The following TRPM8 variants were observed in gnomAD, a reference collection of about 807,000 sequenced individuals.
The protein encoded by TRPM8 is transient receptor potential cation channel subfamily M member 8, also known as TRPM8 cationic channel.
Under a neutral mutation model 133.7 loss-of-function variants are expected in TRPM8, and 110 were observed. The observed-to-expected ratio is 0.82, with a 90% CI of 0.70 to 0.96. The LOEUF (loss-of-function observed/expected upper bound fraction) is 0.96, where lower values mean the gene tolerates loss of function less well. Among genes scored for constraint, TRPM8 ranks in the 40% least tolerant of loss-of-function variants. TRPM8 has a pLI of 0.00. For missense variants in TRPM8, 1,291 were observed against 1,379.5 expected (o/e 0.94, Z 1.02); for synonymous variants, 535 against 532.3 (o/e 1.01, Z -0.07).
In TRPM8 at chr2:233,996,420, C is replaced by T. The variant is rs559620311; in HGVS notation, c.3034C>T (p.Pro1012Ser). 1.3e-5 allele frequency: 21 copies of T among 1,614,034 alleles called. No homozygotes were observed. The highest frequency in any genetic ancestry group is 8.3e-5 in the Admixed American group (5 of 60,000). ...GGAGTACTGCAGCCGCCTCAATATC[C>T]CCTTCCCCTTCATCGTCTTCGCTTA... ...VQEYCSRLNI[P>S]FPFIVFAYFY... The change falls in exon 22 of 26, where the codon CCC becomes TCC. Residue 1012 changes from proline to serine, a missense_variant. Transcript: ENST00000324695.
chr2:233,996,110 C>A lies in TRPM8; in HGVS notation c.2940-216C>A, dbSNP rs1245235155. ...TTTGTGATTAAAAAAAAAAAAAAACCACCAAAAGCCAGACACACTTTTGAC... is the reference window on the plus strand; with the variant it reads ...TTTGTGATTAAAAAAAAAAAAAAACAACCAAAAGCCAGACACACTTTTGAC... On this transcript the variant is annotated intron_variant, in intron 21 of 25. Transcript: ENST00000324695. 4.0e-5 allele frequency among the ~76,000 whole-genome samples: 6 copies of A among 148,960 alleles called. No homozygotes were observed. The East Asian group carries it at 1.2e-3, about 29-fold the overall frequency.
At chr2:233,945,828 C>G in intron 6 of TRPM8, 28 bp from the exon 7 acceptor site, 2 of 1,593,768 alleles carry the variant, frequency 1.3e-6, no homozygotes, top group Non-Finnish European at 1.7e-6. Context: ...AATACAATCT[C>G]AAAGACAAGT....
chr2:233,995,791 A>G (rs1280287061), intron 21 of TRPM8, among the ~76,000 whole-genome samples: 1 of 152,160 alleles, frequency 6.6e-6, no homozygotes, highest in Non-Finnish European at 1.5e-5. Context: ...TCATGCATAT[A>G]TATTCATTTA....
intron 20 of TRPM8, 78 bp downstream of exon 20, chr2:233,983,302 G>A (rs976502470): frequency 1.9e-6 from 3 of 1,553,746 alleles, no homozygotes; most frequent in Admixed American, 3.4e-5. Flanking sequence ...GGCTGCCCCG[G>A]AGACCGCACT....
At chr2:233,919,892 A>C (rs559948200) in intron 1 of TRPM8, among the ~76,000 whole-genome samples, 1 of 152,174 alleles carries the variant, frequency 6.6e-6, no homozygotes, top group South Asian at 2.1e-4. Flanking sequence ...TGAACATCCA[A>C]TCAGTTACCT....
intron 1 of TRPM8, among the ~76,000 whole-genome samples, chr2:233,918,016 C>G (rs12988953): frequency 0.15 from 22,552 of 152,156 alleles, 2,075 homozygotes; most frequent in East Asian, 0.27. Context: ...AAGAGAGAAA[C>G]ACTGAAGGGC....
At chr2:233,993,059 C>A (rs1019077571) in intron 21 of TRPM8, among the ~76,000 whole-genome samples, 2 of 152,212 alleles carry the variant, frequency 1.3e-5, no homozygotes, top group African/African-American at 2.4e-5. Flanking sequence ...ATTTTGGAAG[C>A]TGCTGCCATA....
intron 22 of TRPM8, among the ~76,000 whole-genome samples, chr2:233,998,679 A>C (rs17874951): frequency 1.4e-5 from 2 of 148,070 alleles, no homozygotes; most frequent in East Asian, 2.0e-4. Context: ...TAGGGTGAGC[A>C]GCCTGTGCCC....
chr2:233,972,425 C>T lies in TRPM8; in HGVS notation c.2355+1999C>T, dbSNP rs536729439. The stretch of plus-strand genomic sequence containing the variant: ...GCTTCACCCAGTGGATCCCGCACCG[C>T]GGCTGCAGGTGGAGCTGCCTGCCAG... On this transcript the variant is annotated intron_variant, in intron 17 of 25. Coordinates refer to ENST00000324695, the MANE Select transcript of TRPM8 (RefSeq NM_024080.5). 1.1e-4 allele frequency among the ~76,000 whole-genome samples: 17 copies of T among 152,378 alleles called. No homozygotes were observed. In the East Asian group the frequency reaches 1.2e-3, roughly 10 times the overall value.
At position 234,017,541 on chromosome 2, in the gene TRPM8, G is replaced by GTT. The variant is rs1692986468; in HGVS notation, c.*287_*288dup. ...CAATGCCTGGGACTGGAGGTTGATA[G>GTT]TTTAAGTGTGTTCTTACCGCCTCCT... On this transcript the variant is annotated 3_prime_UTR_variant, in exon 26 of 26. Coordinates refer to ENST00000324695, the MANE Select transcript of TRPM8 (RefSeq NM_024080.5). 5.9e-6 allele frequency: 2 copies of GTT among 340,210 alleles called. No homozygotes were observed. The highest frequency in any genetic ancestry group is 4.7e-5 in the South Asian group (2 of 42,336). The allele number at this position is 340,210 out of a possible 1,614,324, so 21.1% of individuals were successfully genotyped here. A position where few individuals can be genotyped will look rare whatever the true frequency, so the allele number is the denominator to read the frequency against.
chr2:233,992,421 C>T (rs373820802), intron 21 of TRPM8, among the ~76,000 whole-genome samples: 2 of 152,124 alleles, frequency 1.3e-5, no homozygotes, highest in African/African-American at 4.8e-5. Context: ...AATATTTAGT[C>T]ATCCTATTCC....
At chr2:233,966,372 A>G (rs779240618) in intron 14 of TRPM8, among the ~76,000 whole-genome samples, 6 of 152,184 alleles carry the variant, frequency 3.9e-5, no homozygotes, top group Non-Finnish European at 7.4e-5. Flanking sequence ...AGCTCAATCC[A>G]GTGAGCAGTT....
At chr2:234,014,490 C>T (rs1378416213) in intron 24 of TRPM8, 72 bp from the exon 25 acceptor site, 2 of 912,238 alleles carry the variant, frequency 2.2e-6, no homozygotes, top group Non-Finnish European at 3.3e-6. Context: ...AGAAAAGGCA[C>T]AGAGCGATAA....
At chr2:233,963,849 C>T (rs953775549) in intron 13 of TRPM8, among the ~76,000 whole-genome samples, 2 of 152,150 alleles carry the variant, frequency 1.3e-5, no homozygotes, top group African/African-American at 2.4e-5. Flanking sequence ...TGAATTCACA[C>T]ACTCAGTCTT....
At chr2:233,927,142 ACT>A (rs1038488370) in intron 2 of TRPM8, among the ~76,000 whole-genome samples, 1 of 152,004 alleles carries the variant, frequency 6.6e-6, no homozygotes, top group East Asian at 1.9e-4. Flanking sequence ...CCTGTCCAAC[ACT>A]CTCATTTGTC....
intron 5 of TRPM8, among the ~76,000 whole-genome samples, chr2:233,939,986 A>C (rs1312674924): frequency 6.6e-6 from 1 of 151,972 alleles, no homozygotes; most frequent in African/African-American, 2.4e-5. Context: ...AATTATCTCA[A>C]CAAGGTCCTT....
rs1192357336 is a variant in TRPM8, at chr2:233,934,308, G to C, written c.192-3045G>C. On this transcript the variant is annotated intron_variant, in intron 3 of 25. Transcript: ENST00000324695. ...AGAGTAGCTATGATTGTGCTGTGGT[G>C]CCTGATCTTCCATGTCACAGGCCTA... Among the ~76,000 whole-genome samples, 12 of 152,162 alleles carry C rather than the reference G, an allele frequency of 7.9e-5. 1 individual carries two copies. Among genetic ancestry groups the C allele is most frequent in the Admixed American group, 7.9e-4 (12 of 15,276 alleles).
Position 233,939,163 on chromosome 2 carries a change from GC to G in TRPM8, c.515del (p.Ala172GlyfsTer17), listed in dbSNP as rs1559521069. On this transcript the variant is annotated frameshift_variant, in exon 5 of 26. Coordinates refer to ENST00000324695, the MANE Select transcript of TRPM8 (RefSeq NM_024080.5). LOFTEE classifies it high-confidence loss of function. ...GATCTTCAGCCGGCTCATCTACATC[GC>G]GCAGTCCAAAGGTGAGGGTGGGAGC... is the stretch of plus-strand genomic sequence containing the variant. The part of the protein sequence containing the change: ...RKIFSRLIYI[A>X]QSKGAWILTG... 1 of 1,614,022 alleles carries G rather than the reference GC, an allele frequency of 6.2e-7. No homozygotes were observed. The highest frequency in any genetic ancestry group is 1.1e-5 in the South Asian group (1 of 91,080).
chr2:233,963,195 C>T (rs1691481013), intron 12 of TRPM8, 87 bp from the exon 13 acceptor site: 2 of 787,694 alleles, frequency 2.5e-6, no homozygotes, highest in Non-Finnish European at 4.2e-6. Flanking sequence ...CCACAGAGCC[C>T]TCCAAACATG....
Sources: allele counts gnomAD v4.1 joint callset (sites outside exome capture counted in the v4.1 genomes callset), GRCh38; gene constraint gnomAD v4.1.1; transcripts MANE v1.5; gene names NCBI Gene and HGNC (gene_info 2026-07-23, HGNC 2026-07-21).